LPIN3: variants seen among roughly 807,000 people sequenced by gnomAD.
LPIN3 encodes lipin 3, also known as phosphatidate phosphatase LPIN3.
In LPIN3, 82 loss-of-function variants were observed where a neutral mutation model predicts 94.7. That is an observed-to-expected ratio of 0.87 (90% CI 0.72 to 1.04). The LOEUF (loss-of-function observed/expected upper bound fraction) is 1.04, where lower values mean the gene tolerates loss of function less well. LPIN3 is among the 50% of genes least tolerant of loss of function. The probability of loss-of-function intolerance (pLI) is 0.00; values close to 1 mark genes in which losing one functional copy is unlikely to be tolerated. For synonymous variants in LPIN3, 418 were observed against 443.3 expected, an observed-to-expected ratio of 0.94 and a Z score of 0.72; for missense variants, 996 against 1,090.5, an observed-to-expected ratio of 0.91 and a Z score of 1.22.
intron 7 of LPIN3, among the ~76,000 whole-genome samples, chr20:41,350,930 C>T (rs1484374636): frequency 1.3e-5 from 2 of 152,132 alleles, no homozygotes; most frequent in Non-Finnish European, 2.9e-5. Context: ...AATCAGTAGC[C>T]ACTGGCTATA....
chr20:41,357,265 G>T (rs933908567), intron 15 of LPIN3, 77 bp downstream of exon 15: 6 of 1,603,876 alleles, frequency 3.7e-6, no homozygotes, highest in South Asian at 3.3e-5. Context: ...GTGTGGTGGG[G>T]AGTGAGAGGA....
rs1209564201 is a variant in LPIN3, at chr20:41,348,778, C to A, written c.448C>A (p.Pro150Thr). The A allele has an allele frequency of 6.2e-7, 1 of 1,612,840 alleles. No homozygotes were observed. The highest frequency in any genetic ancestry group is 8.5e-7 in the Non-Finnish European group (1 of 1,179,558). The change falls in exon 4 of 20, where the codon CCC (proline) becomes ACC (threonine). Residue 150 changes from proline to threonine, a missense_variant. Transcript: ENST00000373257. Reference sequence around the variant, plus strand: ...GAGGAAGAGGCGTCGCAGGAGGAAACCCAAGCAGAAAGAGGATGCAGTGGC... The same window carrying A: ...GAGGAAGAGGCGTCGCAGGAGGAAAACCAAGCAGAAAGAGGATGCAGTGGC... ...GRRKRRRRRK[P>T]KQKEDAVATD...
In LPIN3 at chr20:41,349,190, C is replaced by T. The variant is rs2045907145; in HGVS notation, c.638+18C>T. ...CAGGCCAGGTAAGAGTCCAGGTGGG[C>T]TGCAGGCCAGGACTCCAGATCAAGG... On this transcript the variant is annotated intron_variant, in intron 5 of 19. Coordinates refer to ENST00000373257, the MANE Select transcript of LPIN3 (RefSeq NM_022896.3). 6.2e-7 allele frequency: 1 copy of T among 1,611,122 alleles called. No homozygotes were observed. The highest frequency in any genetic ancestry group is 2.2e-5 in the East Asian group (1 of 44,844).
At chr20:41,354,798 C>A in intron 12 of LPIN3, 22 bp from the exon 13 acceptor site, 1 of 1,612,070 alleles carries the variant, frequency 6.2e-7, no homozygotes, top group South Asian at 1.1e-5. Context: ...GTGGGATTCA[C>A]TAATGGATGT....
In LPIN3 at chr20:41,352,798, G is replaced by A; in HGVS notation, c.1458G>A (p.Lys486=). ...DPNLVVKING[K]HYNWAVAAPM... ...TTGATGCCCTGTTCTGTCTCTCTAG[G>A]CATTATAACTGGGCTGTGGCTGCCC... is the stretch of plus-strand genomic sequence containing the variant. The change falls in exon 11 of 20, where the codon AAG becomes AAA. Residue 486 remains lysine, a splice_region_variant and synonymous_variant. Transcript: ENST00000373257. 4 of 1,614,206 alleles carry A rather than the reference G, an allele frequency of 2.5e-6. No homozygotes were observed. The highest frequency in any genetic ancestry group is 3.4e-6 in the Non-Finnish European group (4 of 1,180,026).
At chr20:41,346,145 G>A (rs771533115) in intron 2 of LPIN3, 150 bp downstream of exon 2, 2 of 874,856 alleles carry the variant, frequency 2.3e-6, no homozygotes, top group Non-Finnish European at 3.4e-6. Flanking sequence ...TTTCTTTGAA[G>A]GTTTTTGGGT....
chr20:41,358,917 T>G lies in LPIN3; in HGVS notation c.*51T>G, dbSNP rs2046312509. 1 of 1,601,452 alleles carries G rather than the reference T, an allele frequency of 6.2e-7. No homozygotes were observed. On this transcript the variant is annotated 3_prime_UTR_variant, in exon 20 of 20. Transcript: ENST00000373257. Reference sequence around the variant, plus strand: ...CTGGCCCGGCCCAGGACTGGCTAGGTGTCCTGGGGTATAGGAGGGTGGGAA... The same window carrying G: ...CTGGCCCGGCCCAGGACTGGCTAGGGGTCCTGGGGTATAGGAGGGTGGGAA...
At chr20:41,352,021 T>G (rs761435166) in intron 8 of LPIN3, 39 bp from the exon 9 acceptor site, 1 of 1,613,886 alleles carries the variant, frequency 6.2e-7, no homozygotes, top group East Asian at 2.2e-5. Context: ...TCTCCCGCCC[T>G]CCTCGTATTC....
At chr20:41,353,656 C>T (rs542367007) in intron 11 of LPIN3, among the ~76,000 whole-genome samples, 2 of 152,336 alleles carry the variant, frequency 1.3e-5, no homozygotes, top group East Asian at 3.9e-4. Context: ...TCCCAGCCAC[C>T]TTCCCCTACT....
intron 2 of LPIN3, 106 bp downstream of exon 2, chr20:41,346,101 T>A: frequency 8.6e-7 from 1 of 1,165,418 alleles, no homozygotes; most frequent in Non-Finnish European, 1.2e-6. Context: ...TAGGTGGGGA[T>A]CTGTCCTCTG....
chr20:41,351,163 G>A (rs915030301), intron 7 of LPIN3, among the ~76,000 whole-genome samples: 1 of 151,888 alleles, frequency 6.6e-6, no homozygotes, highest in Admixed American at 6.6e-5. Context: ...TGAGGCAGGA[G>A]GGTCACTTGA....
chr20:41,350,179 G>A lies in LPIN3; in HGVS notation c.884G>A (p.Gly295Glu). The A allele has an allele frequency of 6.2e-7, 1 of 1,613,412 alleles. No homozygotes were observed. Among genetic ancestry groups the A allele is most frequent in the South Asian group, 1.1e-5 (1 of 91,066 alleles). ...GTGGCTGGCGGCGTGGACCCTTTGG[G>A]ACTCCCAATCCAGCAAACAGAGGCT... The part of the protein sequence containing the change: ...TSVAGGVDPL[G>E]LPIQQTEAGA... Residue 295 changes from glycine to glutamate, a missense_variant, in exon 7 of 20, where the codon GGA (glycine) becomes GAA (glutamate). Physicochemically the swap from Gly to Glu is moderately conservative, Grantham distance 98. Coordinates refer to ENST00000373257, the MANE Select transcript of LPIN3 (RefSeq NM_022896.3).
intron 1 of LPIN3, among the ~76,000 whole-genome samples, chr20:41,343,211 G>A (rs1406597536): frequency 6.6e-6 from 1 of 152,090 alleles, no homozygotes; most frequent in Non-Finnish European, 1.5e-5. Flanking sequence ...GGCTTAATAG[G>A]GCAGAAAGCT....
chr20:41,351,197 G>A (rs536836143), intron 7 of LPIN3, among the ~76,000 whole-genome samples: 48 of 151,800 alleles, frequency 3.2e-4, no homozygotes, highest in South Asian at 8.3e-4. Flanking sequence ...AGGCTGCAGC[G>A]AGCTATGATC....
intron 14 of LPIN3, among the ~76,000 whole-genome samples, chr20:41,356,414 A>G (rs1442376353): frequency 6.6e-6 from 1 of 152,118 alleles, no homozygotes; most frequent in Non-Finnish European, 1.5e-5. Context: ...AAGCTCAGTA[A>G]CTGGTGGCTC....
intron 13 of LPIN3, 90 bp from the exon 14 acceptor site, chr20:41,355,806 C>A: frequency 6.6e-7 from 1 of 1,519,948 alleles, no homozygotes. Flanking sequence ...CCTGGCATGG[C>A]GGGGACAGGT....
chr20:41,354,849 C>T lies in LPIN3; in HGVS notation c.1650C>T (p.Ala550=). Residue 550 remains alanine, a synonymous_variant, in exon 13 of 20, where the codon GCC becomes GCT. Coordinates refer to ENST00000373257, the MANE Select transcript of LPIN3 (RefSeq NM_022896.3). ...GTGCCCAGAAGGAGAAGACTGCAGC[C>T]AAGGAGCAGCAGGGGTGAGTGAGAC... ...ERSAQKEKTA[A]KEQQGEKTEV... The T allele has an allele frequency of 1.9e-6, 3 of 1,571,952 alleles. No homozygotes were observed. The highest frequency in any genetic ancestry group is 2.6e-6 in the Non-Finnish European group (3 of 1,158,274).
At position 41,350,406 on chromosome 20, in the gene LPIN3, C is replaced by T. The variant is rs773994843; in HGVS notation, c.1102+9C>T. 23 of 1,543,316 alleles carry T rather than the reference C, an allele frequency of 1.5e-5. No homozygotes were observed. Among genetic ancestry groups the T allele is most frequent in the Middle Eastern group, 1.9e-4 (1 of 5,186 alleles). On this transcript the variant is annotated intron_variant, in intron 7 of 19. Coordinates refer to ENST00000373257, the MANE Select transcript of LPIN3 (RefSeq NM_022896.3). ...GGTCTCCAGGGGGAAAGGTGAGTGA[C>T]GCTGGGTCTCTCCCACTGCCTCCCT...
chr20:41,348,490 C>A, intron 3 of LPIN3, 129 bp from the exon 4 acceptor site: 1 of 1,396,030 alleles, frequency 7.2e-7, no homozygotes, highest in Non-Finnish European at 9.4e-7. Context: ...GGTGCCTCCA[C>A]ACCTGTTTTC....
Sources: gnomAD v4.1 joint callset for allele counts (sites outside exome capture counted in the v4.1 genomes callset) on GRCh38, gnomAD v4.1.1 for gene constraint, MANE v1.5 for transcripts, NCBI Gene and HGNC (gene_info 2026-07-23, HGNC 2026-07-21) for gene names.